Variants in DVL3 observed in about 807,000 individuals in gnomAD.
The protein encoded by DVL3 is segment polarity protein dishevelled homolog DVL-3.
In DVL3, 27 loss-of-function variants were observed where a neutral mutation model predicts 67.4. That is an observed-to-expected ratio of 0.40 (90% CI 0.30 to 0.55). The LOEUF (loss-of-function observed/expected upper bound fraction) is 0.55. Ranked by LOEUF, DVL3 falls within the 20% of genes least tolerant of loss-of-function variation. The pLI is 0.46. For synonymous variants in DVL3, 369 were observed against 396.8 expected (o/e 0.93, Z 0.83); for missense variants, 819 against 1,021.5 (o/e 0.80, Z 2.70).
chr3:184,166,760 T>C lies in DVL3; in HGVS notation c.1049-66T>C. On this transcript the variant is annotated intron_variant, in intron 10 of 14. Coordinates refer to ENST00000313143, the MANE Select transcript of DVL3 (RefSeq NM_004423.4). This position sits in a 1 kb window ranked among gnomAD's most constrained non-coding sequence, Gnocchi z 6.7. The stretch of plus-strand genomic sequence containing the variant: ...TTTCTTCTCTCACCCAGAACCCCCA[T>C]ATCTATCCTGTTGGGCCCAGCAGTG... The C allele has an allele frequency of 6.2e-7, 1 of 1,613,228 alleles. No individual in the cohort carries two copies. Among genetic ancestry groups the C allele is most frequent in the Non-Finnish European group, 8.5e-7 (1 of 1,179,358 alleles).
rs200755765 is a variant in DVL3, at chr3:184,166,992, G to A, written c.1198+17G>A. On this transcript the variant is annotated intron_variant, in intron 11 of 14. Transcript: ENST00000313143. The surrounding 1 kb of genome is among the most constrained non-coding windows in gnomAD (Gnocchi z 6.7). Reference sequence around the variant, plus strand: ...ACACAGAGCGTGAGTGTCCCACCCTGTCTCCTGGGCCCAGCAGACAGGGCC... The same window carrying A: ...ACACAGAGCGTGAGTGTCCCACCCTATCTCCTGGGCCCAGCAGACAGGGCC... 2.5e-3 allele frequency: 4,028 copies of A among 1,613,214 alleles called. 9 individuals are homozygous for A. Among genetic ancestry groups the A allele is most frequent in the Admixed American group, 4.4e-3 (261 of 59,962 alleles).
intron 1 of DVL3, chr3:184,156,334 G>A (rs998470754): frequency 2.2e-6 from 1 of 456,532 alleles, no homozygotes. Context: ...CCGCGAGCGG[G>A]GTCTGCAGAT....
intron 13 of DVL3, among the ~76,000 whole-genome samples, chr3:184,168,488 A>G (rs1260218007): frequency 1.3e-5 from 2 of 152,190 alleles, no homozygotes; most frequent in African/African-American, 4.8e-5. Context: ...CCTCAAAACA[A>G]ACAGCCTGGA....
rs759414866 is a variant in DVL3 at position 184,155,756 on chromosome 3, A to T, written c.121A>T (p.Ser41Cys). 1 of 1,612,914 alleles carries T rather than the reference A, an allele frequency of 6.2e-7. No individual in the cohort carries two copies. Among genetic ancestry groups the T allele is most frequent in the South Asian group, 1.1e-5 (1 of 91,044 alleles). Reference sequence around the variant, plus strand: ...CTTTAAGGGCGTTTTGCAGCGACCCAGCTATAAGTTCTTCTTCAAGTCTAT... The same window carrying T: ...CTTTAAGGGCGTTTTGCAGCGACCCTGCTATAAGTTCTTCTTCAAGTCTAT... ...ADFKGVLQRP[S>C]YKFFFKSMDD... Residue 41 changes from serine to cysteine, a missense_variant, in exon 1 of 15, where the codon AGC becomes TGC. Physicochemically the swap from Ser to Cys is moderately radical, Grantham distance 112 (BLOSUM62 -1). Transcript: ENST00000313143. This position sits in a 1 kb window ranked among gnomAD's most constrained non-coding sequence, Gnocchi z 5.4.
At position 184,170,611 on chromosome 3, in the gene DVL3, GC is replaced by G. The variant is rs760652590; in HGVS notation, c.2012del (p.Pro671ArgfsTer24). ...PLYGPPMLMM[P>X]PPPAAMGPPG... ...TCTACGGCCCCCCCATGCTGATGAT[GC>G]CCCCGCCGCCCGCGGCCATGGGGCC... On this transcript the variant is annotated frameshift_variant, in exon 15 of 15. Transcript: ENST00000313143. LOFTEE classifies it high-confidence loss of function. This position sits in a 1 kb window ranked among gnomAD's most constrained non-coding sequence, Gnocchi z 6.5. 6.3e-7 allele frequency: 1 copy of G among 1,599,300 alleles called. No individual in the cohort carries two copies.
chr3:184,157,517 G>T (rs551456349), intron 1 of DVL3, among the ~76,000 whole-genome samples: 2 of 152,072 alleles, frequency 1.3e-5, no homozygotes. Context: ...GTTTTAAGAG[G>T]GCCCCCATTA....
chr3:184,160,991 G>A (rs1018061654), intron 1 of DVL3, among the ~76,000 whole-genome samples: 3 of 152,228 alleles, frequency 2.0e-5, no homozygotes, highest in Admixed American at 1.3e-4. Context: ...GAGGGTCGCT[G>A]TGGCTCTGGG....
Position 184,163,529 on chromosome 3 carries a change from C to A in DVL3, c.162-128C>A. 1.1e-6 allele frequency: 1 copy of A among 887,342 alleles called. No homozygotes were observed. Among genetic ancestry groups the A allele is most frequent in the Non-Finnish European group, 1.9e-6 (1 of 521,364 alleles). 55.0% of individuals were successfully genotyped at this position (887,342 alleles called of 1,614,324 possible). A position where few individuals can be genotyped will look rare whatever the true frequency, so the allele number is the denominator to read the frequency against. On this transcript the variant is annotated intron_variant, in intron 1 of 14. Coordinates refer to ENST00000313143, the MANE Select transcript of DVL3 (RefSeq NM_004423.4). This position sits in a 1 kb window ranked among gnomAD's most constrained non-coding sequence, Gnocchi z 4.5. ...TCTGGGTCTCCCCAACCTCTGCTTT[C>A]ATTTGAACAGTCTTGTGCTGGTGGT... is the stretch of plus-strand genomic sequence containing the variant.
At chr3:184,158,089 A>G (rs567381779) in intron 1 of DVL3, among the ~76,000 whole-genome samples, 3 of 152,268 alleles carry the variant, frequency 2.0e-5, no homozygotes, top group African/African-American at 7.2e-5. Flanking sequence ...AATCTCAGCA[A>G]TTTGGGAGGC....
chr3:184,168,152 C>A, intron 13 of DVL3, 87 bp downstream of exon 13: 1 of 1,482,452 alleles, frequency 6.7e-7, no homozygotes, highest in Non-Finnish European at 9.2e-7. Context: ...CTGGGGAACC[C>A]AAACTGGGGG....
Position 184,167,022 on chromosome 3 carries a change from G to A in DVL3, c.1198+47G>A, listed in dbSNP as rs201458805. The stretch of plus-strand genomic sequence containing the variant: ...CTGGGCCCAGCAGACAGGGCCAGGT[G>A]GGGGGACTGATGAGGGTCCATGTGG... On this transcript the variant is annotated intron_variant, in intron 11 of 14. Transcript: ENST00000313143. The surrounding 1 kb of genome is among the most constrained non-coding windows in gnomAD (Gnocchi z 4.6). 26 of 1,601,480 alleles carry A rather than the reference G, an allele frequency of 1.6e-5. No individual in the cohort carries two copies. Among genetic ancestry groups the A allele is most frequent in the East Asian group, 8.9e-5 (4 of 44,780 alleles).
chr3:184,168,131 G>A (rs1420193176), intron 13 of DVL3, 66 bp downstream of exon 13: 1 of 1,564,286 alleles, frequency 6.4e-7, no homozygotes, highest in South Asian at 1.2e-5. Flanking sequence ...CCAGGGAAGT[G>A]GCAGCAGACT....
chr3:184,165,075 T>C lies in DVL3; in HGVS notation c.600-38T>C. ...GTGCCTCCCCTCATGGGGGCAGGGC[T>C]GGGCCAGCCTGGTGGGGAACGACTG... On this transcript the variant is annotated intron_variant, in intron 5 of 14. Transcript: ENST00000313143. This position sits in a 1 kb window ranked among gnomAD's most constrained non-coding sequence, Gnocchi z 4.1. The C allele has an allele frequency of 6.2e-7, 1 of 1,613,314 alleles. No homozygotes were observed. The highest frequency in any genetic ancestry group is 8.5e-7 in the Non-Finnish European group (1 of 1,179,558).
intron 13 of DVL3, among the ~76,000 whole-genome samples, chr3:184,168,887 G>A (rs945665706): frequency 2.6e-5 from 4 of 152,068 alleles, no homozygotes; most frequent in African/African-American, 4.8e-5. Context: ...TAATTTCCCC[G>A]GGGGCGCCAG....
Position 184,170,034 on chromosome 3 carries a change from C to A in DVL3, c.1527C>A (p.His509Gln). ...TGGCCAACCTGTCTCTCCACGATCA[C>A]GATGGCTCCAGTGGCGCCTCTGACC... The part of the protein sequence containing the change: ...GNMANLSLHD[H>Q]DGSSGASDQD... The change falls in exon 14 of 15, where the codon CAC becomes CAA. Residue 509 changes from histidine (H) to glutamine (Q), a missense_variant. His to Gln is a conservative substitution (Grantham distance 24, BLOSUM62 0). Coordinates refer to ENST00000313143, the MANE Select transcript of DVL3 (RefSeq NM_004423.4). The surrounding 1 kb of genome is among the most constrained non-coding windows in gnomAD (Gnocchi z 6.5). 1 of 1,611,452 alleles carries A rather than the reference C, an allele frequency of 6.2e-7. No homozygotes were observed. Among genetic ancestry groups the A allele is most frequent in the Non-Finnish European group, 8.5e-7 (1 of 1,178,268 alleles).
intron 1 of DVL3, among the ~76,000 whole-genome samples, chr3:184,160,303 T>C (rs1714337831): frequency 6.6e-6 from 1 of 152,166 alleles, no homozygotes; most frequent in African/African-American, 2.4e-5. Context: ...GTTTATTTGC[T>C]TTGCCCTTAA....
At position 184,164,120 on chromosome 3, in the gene DVL3, C is replaced by T. The variant is rs1714475901; in HGVS notation, c.232-147C>T. On this transcript the variant is annotated intron_variant, in intron 2 of 14. Coordinates refer to ENST00000313143, the MANE Select transcript of DVL3 (RefSeq NM_004423.4). This position sits in a 1 kb window ranked among gnomAD's most constrained non-coding sequence, Gnocchi z 5.3. ...AAGTGGCAGAGGGGCCACTGTTCATCTCAGCCACCCTCGCACAGCCCTGTC... is the reference window on the plus strand; with the variant it reads ...AAGTGGCAGAGGGGCCACTGTTCATTTCAGCCACCCTCGCACAGCCCTGTC... The T allele has an allele frequency of 2.0e-6, 2 of 1,013,802 alleles. No homozygotes were observed. Among genetic ancestry groups the T allele is most frequent in the Non-Finnish European group, 2.9e-6 (2 of 678,180 alleles). The allele number at this position is 1,013,802 out of a possible 1,614,324, so 62.8% of individuals were successfully genotyped here.
chr3:184,165,564 C>T lies in DVL3; in HGVS notation c.763+73C>T, dbSNP rs545290708. ...ACTGGGCAGACTTGAGTTCAGAGAG[C>T]GTAGAATATGTTCCCTGCCCTCAAG... On this transcript the variant is annotated intron_variant, in intron 7 of 14. Coordinates refer to ENST00000313143, the MANE Select transcript of DVL3 (RefSeq NM_004423.4). This position sits in a 1 kb window ranked among gnomAD's most constrained non-coding sequence, Gnocchi z 4.1. 465 of 1,360,462 alleles carry T rather than the reference C, an allele frequency of 3.4e-4. No individual in the cohort carries two copies. The highest frequency in any genetic ancestry group is 4.6e-4 in the Admixed American group (27 of 58,384). The allele number at this position is 1,360,462 out of a possible 1,614,324, so 84.3% of individuals were successfully genotyped here.
At position 184,173,169 on chromosome 3, in the gene DVL3, A is replaced by G. The variant is rs1466080606; in HGVS notation, c.*2414A>G. ...CTATGGACAGTTCCGTATAGACTCA[A>G]CTCATCTGCCCAACCAAGTATGTTC... is the stretch of plus-strand genomic sequence containing the variant. On this transcript the variant is annotated 3_prime_UTR_variant, in exon 15 of 15. Transcript: ENST00000313143. 2.0e-5 allele frequency: 3 copies of G among 152,046 alleles called. No individual in the cohort carries two copies. Among genetic ancestry groups the G allele is most frequent in the Non-Finnish European group, 4.4e-5 (3 of 68,034 alleles). 9.4% of individuals were successfully genotyped at this position (152,046 alleles called of 1,614,324 possible).
Sources: gnomAD v4.1 joint callset for allele counts (sites outside exome capture counted in the v4.1 genomes callset) on GRCh38, gnomAD v4.1.1 for gene constraint, Gnocchi (gnomAD v3.1) non-coding constraint, MANE v1.5 for transcripts, NCBI Gene and HGNC (gene_info 2026-07-23, HGNC 2026-07-21) for gene names.